The following ARHGAP26 variants were observed in gnomAD, a reference collection of about 807,000 sequenced individuals.
ARHGAP26 encodes rho GTPase-activating protein 26.
ARHGAP26 carries 38 observed loss-of-function variants against 104.8 expected under a neutral mutation model. The ratio of observed to expected loss-of-function variants is 0.36; its 90% CI spans 0.28 to 0.48. ARHGAP26 has a LOEUF of 0.48. Among genes scored for constraint, ARHGAP26 ranks in the 20% least tolerant of loss-of-function variants. The pLI, the probability that ARHGAP26 is intolerant of heterozygous loss-of-function variation, is 0.99. For missense variants in ARHGAP26, 704 were observed against 947.9 expected, an observed-to-expected ratio of 0.74 and a Z score of 3.38; for synonymous variants, 341 against 340.0, an observed-to-expected ratio of 1.00 and a Z score of -0.03.
rs1358583706 is a variant in ARHGAP26, at chr5:142,932,051, G to T, written c.1033G>T (p.Gly345Trp). The T allele has an allele frequency of 6.8e-6, 11 of 1,613,928 alleles. No homozygotes were observed. Among genetic ancestry groups the T allele is most frequent in the African/African-American group, 1.3e-5 (1 of 74,930 alleles). The stretch of plus-strand genomic sequence containing the variant: ...ATGTCCCTCCTTTCTCTGCAGGCCA[G>T]GGGTTATCACCATGCAAGCTTTGTC... ...CFDVEAVDRP[G>W]VITMQALSEE... Residue 345 changes from glycine (G) to tryptophan (W), a missense_variant, in exon 11 of 23, where the codon GGG becomes TGG. Gly to Trp is a radical substitution (Grantham distance 184). Coordinates refer to ENST00000645722, the MANE Select transcript of ARHGAP26 (RefSeq NM_001135608.3).
chr5:143,017,303 C>A (rs1277237711), intron 12 of ARHGAP26, among the ~76,000 whole-genome samples: 1 of 152,204 alleles, frequency 6.6e-6, no homozygotes, highest in African/African-American at 2.4e-5. Flanking sequence ...TAAGACAGGG[C>A]CATAAGTAAT....
chr5:142,954,565 T>C (rs993030068), intron 11 of ARHGAP26, among the ~76,000 whole-genome samples: 1 of 152,164 alleles, frequency 6.6e-6, no homozygotes, highest in Non-Finnish European at 1.5e-5. Flanking sequence ...ACTCCCTGGC[T>C]TCTCATCCAG....
At chr5:142,902,105 C>A in intron 7 of ARHGAP26, 66 bp downstream of exon 7, 1 of 1,393,842 alleles carries the variant, frequency 7.2e-7, no homozygotes, top group South Asian at 1.2e-5. Flanking sequence ...GGCCTGATTG[C>A]CCTAGAAACC....
intron 10 of ARHGAP26, among the ~76,000 whole-genome samples, chr5:142,913,737 A>T (rs951834632): frequency 2.6e-5 from 4 of 152,202 alleles, no homozygotes; most frequent in East Asian, 1.9e-4. Context: ...TTTCTCAAAT[A>T]AAAAAACAGC....
At chr5:142,772,937 T>A (rs1755533500) in intron 1 of ARHGAP26, 1 of 532,008 alleles carries the variant, frequency 1.9e-6, no homozygotes, top group African/African-American at 1.9e-5. Context: ...AGTGATAGAG[T>A]TGAAGTGTTA....
chr5:142,890,146 A>AT (rs1758330985), intron 5 of ARHGAP26, among the ~76,000 whole-genome samples: 1 of 89,222 alleles, frequency 1.1e-5, no homozygotes. Context: ...TAAAAAAAAA[A>AT]AAAAAATATA....
At chr5:143,011,390 T>C (rs1598617238) in intron 11 of ARHGAP26, among the ~76,000 whole-genome samples, 1 of 152,142 alleles carries the variant, frequency 6.6e-6, no homozygotes. Flanking sequence ...ATTTCTGTTT[T>C]CTTCAGTAAT....
At chr5:143,205,208 A>C (rs1216681593) in intron 20 of ARHGAP26, among the ~76,000 whole-genome samples, 1 of 152,028 alleles carries the variant, frequency 6.6e-6, no homozygotes, top group African/African-American at 2.4e-5. Flanking sequence ...GTTGTTTTTA[A>C]ATCTGTCGCT....
At chr5:143,180,632 A>G (rs917810742) in intron 20 of ARHGAP26, among the ~76,000 whole-genome samples, 1 of 152,152 alleles carries the variant, frequency 6.6e-6, no homozygotes, top group East Asian at 1.9e-4. Context: ...CATGTCTTAT[A>G]TGGCGGCAGG....
intron 11 of ARHGAP26, among the ~76,000 whole-genome samples, chr5:142,962,137 C>T (rs1598402916): frequency 6.6e-6 from 1 of 152,290 alleles, no homozygotes; most frequent in Non-Finnish European, 1.5e-5. Flanking sequence ...CAAAATAAAA[C>T]TCTACGCCTG....
intron 1 of ARHGAP26, among the ~76,000 whole-genome samples, chr5:142,823,903 T>C (rs953570134): frequency 6.6e-6 from 1 of 152,250 alleles, no homozygotes; most frequent in Non-Finnish European, 1.5e-5. Context: ...ATTTTCACTT[T>C]TTAAAAGTGG....
chr5:142,775,596 C>T (rs1756153409), intron 1 of ARHGAP26, among the ~76,000 whole-genome samples: 1 of 152,182 alleles, frequency 6.6e-6, no homozygotes, highest in African/African-American at 2.4e-5. Flanking sequence ...TTTTCATAAT[C>T]TCAAACTGGA....
chr5:143,171,753 C>T (rs1802798109), intron 20 of ARHGAP26, among the ~76,000 whole-genome samples: 1 of 152,120 alleles, frequency 6.6e-6, no homozygotes, highest in African/African-American at 2.4e-5. Flanking sequence ...AAAAGCTGAC[C>T]ATCTGCTTGT....
chr5:142,835,657 G>A (rs1597834801), intron 1 of ARHGAP26, among the ~76,000 whole-genome samples: 1 of 152,218 alleles, frequency 6.6e-6, no homozygotes, highest in Non-Finnish European at 1.5e-5. Flanking sequence ...TTTTTATTGA[G>A]CATTTTCTAT....
chr5:142,957,721 C>T (rs1284459558), intron 11 of ARHGAP26, among the ~76,000 whole-genome samples: 1 of 152,206 alleles, frequency 6.6e-6, no homozygotes, highest in African/African-American at 2.4e-5. Flanking sequence ...AGAAAGTGCT[C>T]CTGCACTCTC....
At chr5:143,031,875 G>T (rs1256206812) in intron 12 of ARHGAP26, among the ~76,000 whole-genome samples, 1 of 152,028 alleles carries the variant, frequency 6.6e-6, no homozygotes, top group African/African-American at 2.4e-5. Context: ...GTACCTTAGA[G>T]TTGTTCTTTT....
chr5:143,112,108 G>A (rs1794851056), intron 17 of ARHGAP26, among the ~76,000 whole-genome samples: 1 of 152,148 alleles, frequency 6.6e-6, no homozygotes, highest in South Asian at 2.1e-4. Flanking sequence ...GCTAAGTAGG[G>A]GAGACAGAAA....
intron 10 of ARHGAP26, among the ~76,000 whole-genome samples, chr5:142,918,782 A>C (rs1251555209): frequency 6.6e-6 from 1 of 152,182 alleles, no homozygotes; most frequent in Non-Finnish European, 1.5e-5. Context: ...CATTGTTCCT[A>C]ACATCAAAAA....
At chr5:143,004,101 T>C (rs1053637545) in intron 11 of ARHGAP26, among the ~76,000 whole-genome samples, 4 of 150,340 alleles carry the variant, frequency 2.7e-5, no homozygotes, top group Admixed American at 1.3e-4. Flanking sequence ...TACAGCTTGG[T>C]GTTTGCCTTA....
Sources: allele counts gnomAD v4.1 joint callset (sites outside exome capture counted in the v4.1 genomes callset), GRCh38; gene constraint gnomAD v4.1.1; transcripts MANE v1.5; gene names NCBI Gene and HGNC (gene_info 2026-07-23, HGNC 2026-07-21).